Variants in NKD2 observed in about 807,000 individuals in gnomAD.
NKD2 encodes the protein NKD inhibitor of Wnt signaling pathway 2.
NKD2 carries 43 observed loss-of-function variants against 34.8 expected under a neutral mutation model. The ratio of observed to expected loss-of-function variants is 1.24; its 90% CI spans 0.97 to 1.60. The LOEUF (loss-of-function observed/expected upper bound fraction) is 1.60, where lower values mean the gene tolerates loss of function less well. Among genes scored for constraint, NKD2 ranks in the 40% most tolerant of loss-of-function variants. The pLI is 0.00. For synonymous variants in NKD2, 278 were observed against 265.1 expected (o/e 1.05, Z -0.47); for missense variants, 675 against 627.1 (o/e 1.08, Z -0.82).
intron 3 of NKD2, among the ~76,000 whole-genome samples, chr5:1,021,361 C>T (rs1322144135): frequency 7.4e-6 from 1 of 134,348 alleles, no homozygotes; most frequent in Non-Finnish European, 1.6e-5. Context: ...CCCGGCCCCC[C>T]GCCCCTCCAC....
chr5:1,037,082 C>G (rs996011890), intron 9 of NKD2, among the ~76,000 whole-genome samples: 1 of 151,200 alleles, frequency 6.6e-6, no homozygotes, highest in Non-Finnish European at 1.5e-5. Flanking sequence ...GCAGTGTGGA[C>G]AGCAGGCAGT....
chr5:1,026,920 G>C (rs554824410), intron 3 of NKD2, among the ~76,000 whole-genome samples: 6 of 152,264 alleles, frequency 3.9e-5, no homozygotes, highest in Non-Finnish European at 8.8e-5. Flanking sequence ...CATCCTGCCT[G>C]AGCCCCACAA....
rs139390121 is a variant in NKD2 at position 1,029,438 on chromosome 5, G to A, written c.142-2714G>A. Among the ~76,000 whole-genome samples the A allele has an allele frequency of 6.1e-3, 933 of 152,200 alleles. 8 individuals are homozygous for A. Among genetic ancestry groups the A allele is most frequent in the South Asian group, 0.035 (170 of 4,822 alleles). ...GTAGCTTGGCTGGTTGGTGTAGCGCGCGGAGCGTTTCCAGACATCAAACCA... is the reference window on the plus strand; with the variant it reads ...GTAGCTTGGCTGGTTGGTGTAGCGCACGGAGCGTTTCCAGACATCAAACCA... On this transcript the variant is annotated intron_variant, in intron 3 of 9. Transcript: ENST00000296849.
intron 3 of NKD2, among the ~76,000 whole-genome samples, chr5:1,027,442 C>T (rs956628342): frequency 2.6e-5 from 4 of 152,186 alleles, no homozygotes; most frequent in African/African-American, 4.8e-5. Context: ...AAATGCTGCC[C>T]GACACGCCCA....
rs746963746 is a variant in NKD2, at chr5:1,033,402, G to A, written c.233G>A (p.Arg78His). 2.3e-5 allele frequency: 37 copies of A among 1,598,084 alleles called. No homozygotes were observed. The highest frequency in any genetic ancestry group is 1.7e-4 in the Middle Eastern group (1 of 6,058). ...VALPAEKAEG[R>H]EHPGQLLSAD... ...CTCCCCGCTGAGAAAGCTGAGGGCC[G>A]CGAGCACCCGGGACAACTCCTCAGC... The change falls in exon 5 of 10, where the codon CGC (arginine) becomes CAC (histidine). Residue 78 changes from arginine to histidine, a missense_variant. Coordinates refer to ENST00000296849, the MANE Select transcript of NKD2 (RefSeq NM_033120.4).
chr5:1,031,647 G>T (rs1009559492), intron 3 of NKD2, among the ~76,000 whole-genome samples: 2 of 152,188 alleles, frequency 1.3e-5, no homozygotes, highest in African/African-American at 2.4e-5. Context: ...CTGAAACACC[G>T]CTGGGATGTG....
intron 5 of NKD2, among the ~76,000 whole-genome samples, chr5:1,033,846 C>T (rs988764090): frequency 3.3e-4 from 51 of 152,250 alleles, no homozygotes; most frequent in African/African-American, 1.2e-3. Flanking sequence ...AGGCAGGGCA[C>T]AGGGCTTCCG....
intron 9 of NKD2, among the ~76,000 whole-genome samples, chr5:1,037,083 AGCAG>A (rs887750950): frequency 6.7e-6 from 1 of 149,796 alleles, no homozygotes; most frequent in Non-Finnish European, 1.5e-5. Flanking sequence ...CAGTGTGGAC[AGCAG>A]GCAGTGTGGA....
At chr5:1,036,168 ACCCCTGC>A in intron 8 of NKD2, 82 bp from the exon 9 acceptor site, 6 of 1,418,362 alleles carry the variant, frequency 4.2e-6, no homozygotes, top group Non-Finnish European at 5.5e-6. Context: ...TGCACCCCGG[ACCCCTGC>A]CGCCTGCTGT....
At chr5:1,034,460 C>T in intron 6 of NKD2, 130 bp downstream of exon 6, 1 of 790,230 alleles carries the variant, frequency 1.3e-6, no homozygotes, top group Non-Finnish European at 2.1e-6. Context: ...GCCAGCTGGG[C>T]TTGCGTCTCC....
In NKD2 at chr5:1,033,344, GCCCCTTCGCCT is replaced by G; in HGVS notation, c.203-25_203-15del. ...CACATCCTCCATGTGCCCTCTGCCA[GCCCCTTCGCCT>G]CCTCTTGTCCCCCTAGTGGCACTCC... On this transcript the variant is annotated splice_polypyrimidine_tract_variant and intron_variant, in intron 4 of 9. Transcript: ENST00000296849. 1 of 1,575,844 alleles carries G rather than the reference GCCCCTTCGCCT, an allele frequency of 6.3e-7. No homozygotes were observed. The highest frequency in any genetic ancestry group is 8.6e-7 in the Non-Finnish European group (1 of 1,160,650).
At chr5:1,011,635 C>T (rs946703780) in intron 3 of NKD2, among the ~76,000 whole-genome samples, 13 of 152,216 alleles carry the variant, frequency 8.5e-5, no homozygotes, top group African/African-American at 3.1e-4. Context: ...TGCCACAGAA[C>T]GGTGGCAGAG....
intron 3 of NKD2, among the ~76,000 whole-genome samples, chr5:1,028,279 C>T (rs769314303): frequency 1.3e-5 from 2 of 152,126 alleles, no homozygotes; most frequent in African/African-American, 2.4e-5. Flanking sequence ...CTGAGCATCC[C>T]GTAGGGCCGT....
chr5:1,009,262 G>T lies in NKD2; in HGVS notation c.61+48G>T. 2.1e-6 allele frequency: 1 copy of T among 485,736 alleles called. No individual in the cohort carries two copies. Among genetic ancestry groups the T allele is most frequent in the South Asian group, 3.3e-5 (1 of 30,240 alleles). The allele number at this position is 485,736 out of a possible 1,614,324, so 30.1% of individuals were successfully genotyped here. On this transcript the variant is annotated intron_variant, in intron 2 of 9. Transcript: ENST00000296849. This position sits in a 1 kb window ranked among gnomAD's most constrained non-coding sequence, Gnocchi z 6.9. ...GGGGCGGGGGGCGGCGACCCGGCCC[G>T]GGACCCTCAGAGCTAGGAGCCCGCG...
chr5:1,019,334 G>A lies in NKD2; in HGVS notation c.141+9774G>A, dbSNP rs555601352. ...TGTGTGTCCCGTAACAAAGATGCGC[G>A]TGGTCTTCTCTGAACAATTTTTACC... is the stretch of plus-strand genomic sequence containing the variant. On this transcript the variant is annotated intron_variant, in intron 3 of 9. Coordinates refer to ENST00000296849, the MANE Select transcript of NKD2 (RefSeq NM_033120.4). Among the ~76,000 whole-genome samples the A allele has an allele frequency of 5.9e-4, 90 of 152,312 alleles. 1 individual carries two copies. Among genetic ancestry groups the A allele is most frequent in the African/African-American group, 2.0e-3 (85 of 41,568 alleles).
intron 9 of NKD2, 146 bp from the exon 10 acceptor site, chr5:1,037,659 G>C (rs1734060039): frequency 6.5e-7 from 1 of 1,536,038 alleles, no homozygotes; most frequent in African/African-American, 1.4e-5. Flanking sequence ...CAGGGCTGGT[G>C]GCCGTCTGAC....
In NKD2 at chr5:1,031,747, G is replaced by A. The variant is rs553481240; in HGVS notation, c.142-405G>A. ...GGTCCTGGGCAGCCATGCGGGCAGC[G>A]GCTGGAGTCCTCGTGTCAGGCTCCA... On this transcript the variant is annotated intron_variant, in intron 3 of 9. Coordinates refer to ENST00000296849, the MANE Select transcript of NKD2 (RefSeq NM_033120.4). Among the ~76,000 whole-genome samples, 5 of 152,340 alleles carry A rather than the reference G, an allele frequency of 3.3e-5. No individual in the cohort carries two copies. The East Asian group carries it at 9.7e-4, about 29-fold the overall frequency.
intron 4 of NKD2, among the ~76,000 whole-genome samples, chr5:1,032,942 G>A (rs1359725741): frequency 6.6e-6 from 1 of 152,120 alleles, no homozygotes; most frequent in Non-Finnish European, 1.5e-5. Flanking sequence ...GGAGGGGGCC[G>A]CCTGTTGACA....
chr5:1,028,054 G>A (rs554606503), intron 3 of NKD2, among the ~76,000 whole-genome samples: 103 of 152,270 alleles, frequency 6.8e-4, no homozygotes, highest in Non-Finnish European at 1.3e-3. Context: ...GAAGCTGGGG[G>A]TTGAGGTTTT....
Sources: gnomAD v4.1 joint callset for allele counts (sites outside exome capture counted in the v4.1 genomes callset) on GRCh38, gnomAD v4.1.1 for gene constraint, Gnocchi (gnomAD v3.1) non-coding constraint, MANE v1.5 for transcripts, NCBI Gene and HGNC (gene_info 2026-07-23, HGNC 2026-07-21) for gene names.